TTI2: variants seen among roughly 807,000 people sequenced by gnomAD.
TTI2 encodes TELO2 interacting protein 2.
Under a neutral mutation model 44.9 loss-of-function variants are expected in TTI2, and 26 were observed. The observed-to-expected ratio is 0.58, with a 90% CI of 0.42 to 0.80. TTI2 has a LOEUF of 0.80. Ranked by LOEUF, TTI2 falls within the 30% of genes least tolerant of loss-of-function variation. The pLI, the probability that TTI2 is intolerant of heterozygous loss-of-function variation, is 0.00. For synonymous variants in TTI2, 254 were observed against 250.9 expected (o/e 1.01, Z -0.12); for missense variants, 582 against 611.6 (o/e 0.95, Z 0.51).
intron 2 of TTI2, among the ~76,000 whole-genome samples, chr8:33,511,653 C>T (rs1010430345): frequency 2.0e-5 from 3 of 151,876 alleles, no homozygotes; most frequent in Non-Finnish European, 2.9e-5. Flanking sequence ...TTTGGGAGCC[C>T]GAGGCGGGTG....
chr8:33,500,719 C>G (rs1052844842), intron 6 of TTI2: 1 of 484,136 alleles, frequency 2.1e-6, no homozygotes. Flanking sequence ...CTCTGCCACA[C>G]TGCTCTCTTC....
rs181554155 is a variant in TTI2, at chr8:33,503,240, C to G, written c.1259+189G>C. ...GTAAAAGAGTCAACTATGAGCACCT[C>G]AAGTAACTATAGTATATTTTATCTT... On this transcript the variant is annotated intron_variant, in intron 6 of 7. Transcript: ENST00000431156. Among the ~76,000 whole-genome samples, 12 of 152,158 alleles carry G rather than the reference C, an allele frequency of 7.9e-5. No homozygotes were observed. In the East Asian group the frequency reaches 2.3e-3, roughly 29 times the overall value.
rs976768783 is a variant in TTI2, at chr8:33,512,100, C to T, written c.514G>A (p.Ala172Thr). Residue 172 changes from alanine (A) to threonine (T), a missense_variant, in exon 2 of 8, where the codon GCT (alanine) becomes ACT (threonine). Transcript: ENST00000431156. ...AGCAGTGAGGTGAGCACCTCCCTAGCAACTTCCCGAGATCTCGGAGTGGTC... is the reference window on the plus strand; with the variant it reads ...AGCAGTGAGGTGAGCACCTCCCTAGTAACTTCCCGAGATCTCGGAGTGGTC... ...PWTTPRSREVAREVLTSLLQV... is the reference protein window; with the variant it reads ...PWTTPRSREVTREVLTSLLQV... The T allele has an allele frequency of 1.5e-5, 25 of 1,613,982 alleles. No homozygotes were observed. The highest frequency in any genetic ancestry group is 8.5e-7 in the Non-Finnish European group (1 of 1,180,006).
rs769052273 is a variant in TTI2, at chr8:33,503,787, C to G, written c.1076G>C (p.Arg359Pro). The G allele has an allele frequency of 6.2e-7, 1 of 1,613,994 alleles. No individual in the cohort carries two copies. Among genetic ancestry groups the G allele is most frequent in the South Asian group, 1.1e-5 (1 of 91,068 alleles). ...CGGCAGGTTTCTTGCGTAGGTCCTGCGTAAAAGAAGGCGGTGCTCTGGCTC... is the reference window on the plus strand; with the variant it reads ...CGGCAGGTTTCTTGCGTAGGTCCTGGGTAAAAGAAGGCGGTGCTCTGGCTC... ...HMEPEHRLLL[R>P]RTYARNLPAF... The change falls in exon 5 of 8, where the codon CGC becomes CCC. Residue 359 changes from arginine (R) to proline (P), a missense_variant. Transcript: ENST00000431156.
chr8:33,511,002 A>G (rs1019390217), intron 2 of TTI2, among the ~76,000 whole-genome samples: 1 of 152,162 alleles, frequency 6.6e-6, no homozygotes, highest in Admixed American at 6.5e-5. Flanking sequence ...AATTCAAACC[A>G]TAAGTTTAAA....
At position 33,512,569 on chromosome 8, in the gene TTI2, A is replaced by T. The variant is rs776148816; in HGVS notation, c.45T>A (p.Ser15=). ...SALEAPSQED[S]NLSEELSHSA... is the part of the protein sequence containing the mutation. ...AGTGAGACAACTCCTCGGACAAATT[A>T]GAGTCTTCCTGCGATGGGGCTTCCA... Residue 15 remains serine (S), a synonymous_variant, in exon 2 of 8, where the codon TCT becomes TCA. Transcript: ENST00000431156. 3.1e-6 allele frequency: 5 copies of T among 1,613,948 alleles called. No individual in the cohort carries two copies. Among genetic ancestry groups the T allele is most frequent in the Non-Finnish European group, 3.4e-6 (4 of 1,180,016 alleles).
At chr8:33,511,913 T>C (rs946180598) in intron 2 of TTI2, 54 bp downstream of exon 2, 7 of 1,567,552 alleles carry the variant, frequency 4.5e-6, no homozygotes, top group Non-Finnish European at 6.1e-6. Flanking sequence ...TAATAAAAAA[T>C]AAAAATAAAA....
rs1340147918 is a variant in TTI2, at chr8:33,512,094, C to G, written c.520G>C (p.Glu174Gln). The G allele has an allele frequency of 6.8e-6, 11 of 1,614,092 alleles. No homozygotes were observed. The highest frequency in any genetic ancestry group is 9.3e-6 in the Non-Finnish European group (11 of 1,180,016). Residue 174 changes from glutamate (E) to glutamine (Q), a missense_variant, in exon 2 of 8, where the codon GAG (glutamate) becomes CAG (glutamine). By Grantham distance (29) the Glu-to-Gln change is conservative. Coordinates refer to ENST00000431156, the MANE Select transcript of TTI2 (RefSeq NM_001102401.4). ...TTPRSREVAR[E>Q]VLTSLLQVTE... ...ACTTGAAGCAGTGAGGTGAGCACCT[C>G]CCTAGCAACTTCCCGAGATCTCGGA...
At chr8:33,500,772 G>A (rs1346493033) in intron 6 of TTI2, 2 of 338,510 alleles carry the variant, frequency 5.9e-6, no homozygotes, top group East Asian at 1.3e-4. Flanking sequence ...GCTCCTTCAT[G>A]GGCTGAGAAG....
At chr8:33,511,875 G>A (rs1351524029) in intron 2 of TTI2, 92 bp downstream of exon 2, 1 of 1,432,204 alleles carries the variant, frequency 7.0e-7, no homozygotes, top group African/African-American at 1.4e-5. Context: ...GGCAACAAGA[G>A]TGAAACTCTG....
chr8:33,507,309 A>T lies in TTI2; in HGVS notation c.847T>A (p.Leu283Met), dbSNP rs779881685. The part of the protein sequence containing the change: ...HIVLNVPAAD[L>M]LQYNRAQVLY... ...ACCTGGGCTCTGTTATACTGGAGCAAATCAGCAGCTGGCTGCAACCAGACA... is the reference window on the plus strand; with the variant it reads ...ACCTGGGCTCTGTTATACTGGAGCATATCAGCAGCTGGCTGCAACCAGACA... Residue 283 changes from leucine to methionine, a missense_variant, in exon 4 of 8, where the codon TTG (leucine) becomes ATG (methionine). Leu to Met is a conservative substitution (Grantham distance 15). Transcript: ENST00000431156. 1.2e-6 allele frequency: 2 copies of T among 1,614,194 alleles called. No homozygotes were observed. Among genetic ancestry groups the T allele is most frequent in the Non-Finnish European group, 8.5e-7 (1 of 1,180,010 alleles).
rs1460688251 is a variant in TTI2 at position 33,498,916 on chromosome 8, T to TA, written c.*256dup. The TA allele has an allele frequency of 1.7e-6, 1 of 577,482 alleles. No individual in the cohort carries two copies. 35.8% of individuals were successfully genotyped at this position (577,482 alleles called of 1,614,324 possible). A position where few individuals can be genotyped will look rare whatever the true frequency, so the allele number is the denominator to read the frequency against. The stretch of plus-strand genomic sequence containing the variant: ...TGAATCTGGGATGAGATGACGGATG[T>TA]AAATATTTCTAAATTTTAAATGCTA... On this transcript the variant is annotated 3_prime_UTR_variant, in exon 8 of 8. Coordinates refer to ENST00000431156, the MANE Select transcript of TTI2 (RefSeq NM_001102401.4).
At position 33,503,498 on chromosome 8, in the gene TTI2, C is replaced by A. The variant is rs150984360; in HGVS notation, c.1190G>T (p.Gly397Val). ...CTTCAGTCTAGCTTCCTCCTCAGGT[C>A]CATCATAAACCTCCAGATAACCAAT... ...VIIGYLEVYDGPEEEARLKIL... is the reference protein window; with the variant it reads ...VIIGYLEVYDVPEEEARLKIL... Residue 397 changes from glycine to valine, a missense_variant, in exon 6 of 8, where the codon GGA becomes GTA. Coordinates refer to ENST00000431156, the MANE Select transcript of TTI2 (RefSeq NM_001102401.4). 7 of 1,613,990 alleles carry A rather than the reference C, an allele frequency of 4.3e-6. No homozygotes were observed. The highest frequency in any genetic ancestry group is 5.9e-6 in the Non-Finnish European group (7 of 1,180,032).
At chr8:33,502,783 G>A (rs949965296) in intron 6 of TTI2, among the ~76,000 whole-genome samples, 2 of 151,948 alleles carry the variant, frequency 1.3e-5, no homozygotes, top group Non-Finnish European at 2.9e-5. Flanking sequence ...CTGAGATCGC[G>A]CCATTGCACT....
intron 6 of TTI2, chr8:33,501,104 T>C (rs924200789): frequency 6.6e-6 from 1 of 152,572 alleles, no homozygotes; most frequent in Admixed American, 6.5e-5. Context: ...CTGTACTTAA[T>C]GCCACTGAAC....
In TTI2 at chr8:33,509,710, C is replaced by T; in HGVS notation, c.834+36G>A. On this transcript the variant is annotated intron_variant, in intron 3 of 7. Transcript: ENST00000431156. ...AACAGCCAGGAATGACTCAGTCTGT[C>T]CTGTCAACACAGATGACAAGCCAGA... 1.9e-6 allele frequency: 3 copies of T among 1,593,098 alleles called. No homozygotes were observed. In the South Asian group the frequency reaches 3.3e-5, roughly 18 times the overall value.
chr8:33,501,648 T>C (rs767109862), intron 6 of TTI2, among the ~76,000 whole-genome samples: 10 of 152,234 alleles, frequency 6.6e-5, no homozygotes, highest in East Asian at 1.9e-4. Context: ...GGGAGAAAGA[T>C]AGTAAACAAA....
chr8:33,501,782 G>A (rs992939050), intron 6 of TTI2, among the ~76,000 whole-genome samples: 1 of 151,958 alleles, frequency 6.6e-6, no homozygotes, highest in African/African-American at 2.4e-5. Context: ...ATGTTGTTGG[G>A]GCACTAGATT....
chr8:33,509,278 G>A (rs1434139891), intron 3 of TTI2, among the ~76,000 whole-genome samples: 1 of 151,574 alleles, frequency 6.6e-6, no homozygotes, highest in Non-Finnish European at 1.5e-5. Context: ...CCAAGATGGT[G>A]AAACCCCATC....
Sources: gnomAD v4.1 joint callset for allele counts (sites outside exome capture counted in the v4.1 genomes callset) on GRCh38, gnomAD v4.1.1 for gene constraint, MANE v1.5 for transcripts, NCBI Gene and HGNC (gene_info 2026-07-23, HGNC 2026-07-21) for gene names.